Variants in GALNT11 observed in about 807,000 individuals in gnomAD.
GALNT11 encodes the protein polypeptide N-acetylgalactosaminyltransferase 11.
A neutral mutation model predicts 72.7 loss-of-function variants in GALNT11; 47 were observed. The observed-to-expected ratio is 0.65, with a 90% confidence interval of 0.51 to 0.82. GALNT11 has a LOEUF of 0.82. Ranked by LOEUF, GALNT11 falls within the 40% of genes least tolerant of loss-of-function variation. The pLI is 0.00. For synonymous variants in GALNT11, 270 were observed against 286.6 expected (o/e 0.94, Z 0.58); for missense variants, 677 against 778.4 (o/e 0.87, Z 1.55).
intron 1 of GALNT11, among the ~76,000 whole-genome samples, chr7:152,085,246 A>G (rs988183927): frequency 1.1e-4 from 17 of 152,238 alleles, no homozygotes; most frequent in African/African-American, 4.1e-4. Context: ...CTGAGCAGCT[A>G]CCAGACCATG....
chr7:152,105,120 C>T, intron 4 of GALNT11, 125 bp from the exon 5 acceptor site: 2 of 991,896 alleles, frequency 2.0e-6, no homozygotes, highest in South Asian at 1.8e-5. Context: ...GTAAAATATT[C>T]TGTAGTATTT....
chr7:152,092,832 TG>T (rs2129036865), intron 1 of GALNT11, among the ~76,000 whole-genome samples: 1 of 152,376 alleles, frequency 6.6e-6, no homozygotes, highest in South Asian at 2.1e-4. Context: ...ATGGTTTCTC[TG>T]CCATAAGTCT....
At position 152,120,860 on chromosome 7, in the gene GALNT11, G is replaced by A. The variant is rs755243433; in HGVS notation, c.1587G>A (p.Leu529=). 9.9e-6 allele frequency: 16 copies of A among 1,610,152 alleles called. No individual in the cohort carries two copies. The highest frequency in any genetic ancestry group is 1.3e-5 in the Non-Finnish European group (15 of 1,176,872). ...QIWIYNEEHE[L]VLNSLLCLDM... is the part of the protein sequence containing the mutation. ...GGATCTATAATGAAGAGCATGAATTGGTTTTAAATAGTCTCCTTTGTCTAG... is the reference window on the plus strand; with the variant it reads ...GGATCTATAATGAAGAGCATGAATTAGTTTTAAATAGTCTCCTTTGTCTAG... Residue 529 remains leucine (L), a synonymous_variant, in exon 11 of 12, where the codon TTG becomes TTA. Transcript: ENST00000430044.
At chr7:152,045,040 A>G (rs976925536) in intron 1 of GALNT11, among the ~76,000 whole-genome samples, 2 of 152,142 alleles carry the variant, frequency 1.3e-5, no homozygotes, top group African/African-American at 2.4e-5. Flanking sequence ...AATTGAAACG[A>G]TCATATGGTT....
intron 1 of GALNT11, among the ~76,000 whole-genome samples, chr7:152,043,521 A>G (rs1488718664): frequency 6.6e-6 from 1 of 152,062 alleles, no homozygotes; most frequent in African/African-American, 2.4e-5. Context: ...ATGTAGCTAT[A>G]ATATTTCCCT....
At chr7:152,050,596 G>C (rs931012679) in intron 1 of GALNT11, among the ~76,000 whole-genome samples, 4 of 152,178 alleles carry the variant, frequency 2.6e-5, no homozygotes, top group African/African-American at 9.7e-5. Context: ...GTTGAGGGAG[G>C]GGTGGTGCAA....
chr7:152,033,806 G>A (rs147962389), intron 1 of GALNT11, among the ~76,000 whole-genome samples: 2 of 152,296 alleles, frequency 1.3e-5, no homozygotes, highest in African/African-American at 4.8e-5. Flanking sequence ...TTACCAGTAG[G>A]GAATTTGTCC....
intron 1 of GALNT11, among the ~76,000 whole-genome samples, chr7:152,090,201 G>C (rs1364438270): frequency 6.6e-6 from 1 of 152,196 alleles, no homozygotes; most frequent in East Asian, 1.9e-4. Flanking sequence ...GGACAGTTTG[G>C]AGGTCAGCTA....
Position 152,121,691 on chromosome 7 carries a change from G to C in GALNT11, c.*14G>C. 1 of 1,610,266 alleles carries C rather than the reference G, an allele frequency of 6.2e-7. No homozygotes were observed. The highest frequency in any genetic ancestry group is 8.5e-7 in the Non-Finnish European group (1 of 1,177,690). Reference sequence around the variant, plus strand: ...TTGGAAGGTTAAGGTGGATGCTGTGGTGGGAACGTTGCTTCATCAGGCGTT... The same window carrying C: ...TTGGAAGGTTAAGGTGGATGCTGTGCTGGGAACGTTGCTTCATCAGGCGTT... On this transcript the variant is annotated 3_prime_UTR_variant, in exon 12 of 12. Coordinates refer to ENST00000430044, the MANE Select transcript of GALNT11 (RefSeq NM_022087.4).
chr7:152,101,394 CAA>C (rs1163820693), intron 3 of GALNT11, among the ~76,000 whole-genome samples: 1 of 152,028 alleles, frequency 6.6e-6, no homozygotes, highest in East Asian at 1.9e-4. Context: ...CTGGAAGAAA[CAA>C]ACAGATGTAG....
At chr7:152,116,871 CTG>C (rs766858334) in intron 8 of GALNT11, 3 of 562,226 alleles carry the variant, frequency 5.3e-6, no homozygotes, top group African/African-American at 1.9e-5. Flanking sequence ...GTAGGTTTCT[CTG>C]TTTTAATTTC....
At chr7:152,091,486 C>T (rs908417507) in intron 1 of GALNT11, among the ~76,000 whole-genome samples, 3 of 152,100 alleles carry the variant, frequency 2.0e-5, no homozygotes, top group Non-Finnish European at 2.9e-5. Context: ...GTGATCCGCC[C>T]ACCTCGGCTT....
chr7:152,040,654 G>T (rs2082813898), intron 1 of GALNT11, among the ~76,000 whole-genome samples: 1 of 152,156 alleles, frequency 6.6e-6, no homozygotes, highest in African/African-American at 2.4e-5. Flanking sequence ...GTAATCAGTT[G>T]TTCATCTGTA....
At chr7:152,101,040 T>A in intron 3 of GALNT11, 119 bp downstream of exon 3, 1 of 1,345,106 alleles carries the variant, frequency 7.4e-7, no homozygotes, top group Non-Finnish European at 1.0e-6. Context: ...TTCAGCATAC[T>A]AGGAAACTTG....
At chr7:152,076,065 A>G in intron 1 of GALNT11, among the ~76,000 whole-genome samples, 1 of 132,424 alleles carries the variant, frequency 7.6e-6, no homozygotes, top group African/African-American at 3.3e-5. Flanking sequence ...CCGTCTCAAA[A>G]AAAAAAAAAA....
intron 1 of GALNT11, among the ~76,000 whole-genome samples, chr7:152,050,759 T>C (rs1261583796): frequency 6.6e-6 from 1 of 152,200 alleles, no homozygotes; most frequent in East Asian, 1.9e-4. Context: ...CCCAGAGCAG[T>C]TTAGCCCATG....
chr7:152,103,461 T>C (rs1342141008), intron 4 of GALNT11, 183 bp downstream of exon 4: 8 of 536,840 alleles, frequency 1.5e-5, no homozygotes, highest in Non-Finnish European at 2.1e-5. Context: ...GCTTATAAAC[T>C]ATGCTACCCA....
chr7:152,080,810 A>C (rs1049173507), intron 1 of GALNT11, among the ~76,000 whole-genome samples: 1 of 151,930 alleles, frequency 6.6e-6, no homozygotes, highest in Non-Finnish European at 1.5e-5. Flanking sequence ...AAAAAAAAAA[A>C]ACACAAAATA....
At chr7:152,072,242 C>T (rs1406838195) in intron 1 of GALNT11, among the ~76,000 whole-genome samples, 1 of 145,670 alleles carries the variant, frequency 6.9e-6, no homozygotes, top group Non-Finnish European at 1.5e-5. Flanking sequence ...TTGCTTCAAC[C>T]TGGGAGGTGG....
Sources: allele counts gnomAD v4.1 joint callset (sites outside exome capture counted in the v4.1 genomes callset), GRCh38; gene constraint gnomAD v4.1.1; transcripts MANE v1.5; gene names NCBI Gene and HGNC (gene_info 2026-07-23, HGNC 2026-07-21).